NDST3: variants seen among roughly 807,000 people sequenced by gnomAD.
The protein encoded by NDST3 is N-deacetylase and N-sulfotransferase 3, also known as bifunctional heparan sulfate N-deacetylase/N-sulfotransferase 3.
NDST3 carries 58 observed loss-of-function variants against 96.1 expected under a neutral mutation model. The observed-to-expected ratio is 0.60, with a 90% CI of 0.49 to 0.75. The LOEUF (loss-of-function observed/expected upper bound fraction) is 0.75. NDST3 is among the 30% of genes least tolerant of loss of function. NDST3 has a pLI of 0.00. For synonymous variants in NDST3, 333 were observed against 359.7 expected (o/e 0.93, Z 0.84); for missense variants, 788 against 1,034.2 (o/e 0.76, Z 3.27).
intron 6 of NDST3, among the ~76,000 whole-genome samples, chr4:118,166,648 C>CA (rs1391200293): frequency 1.3e-5 from 2 of 151,864 alleles, no homozygotes; most frequent in Non-Finnish European, 3.0e-5. Flanking sequence ...CAAAAATCCT[C>CA]AAAAAAATAG....
chr4:118,253,065 T>G (rs1741859138), intron 12 of NDST3, among the ~76,000 whole-genome samples: 1 of 152,224 alleles, frequency 6.6e-6, no homozygotes, highest in South Asian at 2.1e-4. Context: ...TATTACCTTC[T>G]AGTTGTATGA....
chr4:118,170,570 A>C (rs1478303120), intron 6 of NDST3, among the ~76,000 whole-genome samples: 1 of 152,120 alleles, frequency 6.6e-6, no homozygotes, highest in Non-Finnish European at 1.5e-5. Context: ...TCTACTAAAA[A>C]TACAAAAAAT....
intron 6 of NDST3, among the ~76,000 whole-genome samples, chr4:118,188,830 G>A (rs1737129817): frequency 6.6e-6 from 1 of 151,940 alleles, no homozygotes; most frequent in Non-Finnish European, 1.5e-5. Context: ...GATTCTATGT[G>A]CTTGTGAAGT....
intron 1 of NDST3, among the ~76,000 whole-genome samples, chr4:118,038,203 T>C (rs894153259): frequency 3.0e-4 from 45 of 152,306 alleles, no homozygotes; most frequent in African/African-American, 1.0e-3. Context: ...CAGCGTATTT[T>C]GATGCATGCA....
intron 8 of NDST3, among the ~76,000 whole-genome samples, chr4:118,230,361 G>A (rs1740190131): frequency 6.6e-6 from 1 of 152,082 alleles, no homozygotes; most frequent in Non-Finnish European, 1.5e-5. Flanking sequence ...ATCATGAGAG[G>A]TCAGGAGATC....
chr4:118,132,411 T>C (rs905469246), intron 4 of NDST3, among the ~76,000 whole-genome samples: 3 of 152,104 alleles, frequency 2.0e-5, no homozygotes, highest in African/African-American at 7.2e-5. Context: ...CAAGGGTTCT[T>C]CTGTCAGCTT....
intron 6 of NDST3, chr4:118,194,000 A>T (rs562410307): frequency 8.9e-7 from 1 of 1,125,156 alleles, no homozygotes; most frequent in East Asian, 2.4e-5. Context: ...TTCTGAATTC[A>T]TCTCCCAAGA....
rs1398865729 is a variant in NDST3, at chr4:118,208,439, T to C, written c.1540-16052T>C. Among the ~76,000 whole-genome samples, 5 of 144,404 alleles carry C rather than the reference T, an allele frequency of 3.5e-5. 1 individual carries two copies. The South Asian group carries it at 7.0e-4, about 20-fold the overall frequency. 94.7% of individuals were successfully genotyped at this position (144,404 alleles called of 152,430 possible). On this transcript the variant is annotated intron_variant, in intron 6 of 13. Transcript: ENST00000296499. ...TATTTTGCTTTTAATTAAGTCTTTA[T>C]ACAGTACCTTAGCTGACTCTTGTAT...
intron 6 of NDST3, among the ~76,000 whole-genome samples, chr4:118,220,503 G>A (rs556039736): frequency 1.2e-4 from 18 of 151,850 alleles, no homozygotes; most frequent in Non-Finnish European, 1.8e-4. Context: ...TAATGTATAT[G>A]GGGCTTAAAA....
At chr4:118,083,613 G>A (rs372933173) in intron 2 of NDST3, among the ~76,000 whole-genome samples, 14 of 152,116 alleles carry the variant, frequency 9.2e-5, no homozygotes, top group African/African-American at 3.1e-4. Context: ...TTGGTATAGA[G>A]GCATTCATCA....
chr4:118,041,407 T>C (rs1265839789), intron 1 of NDST3, among the ~76,000 whole-genome samples: 2 of 152,232 alleles, frequency 1.3e-5, no homozygotes, highest in African/African-American at 4.8e-5. Context: ...GGGTGCCTTA[T>C]AGGAAATCTT....
rs201621405 is a variant in NDST3 at position 118,235,038 on chromosome 4, G to GA, written c.1943+1912dup. 3.1e-4 allele frequency among the ~76,000 whole-genome samples: 4 copies of GA among 12,998 alleles called. No individual in the cohort carries two copies. In the South Asian group the frequency reaches 0.011, roughly 36 times the overall value. 8.5% of individuals were successfully genotyped at this position (12,998 alleles called of 152,430 possible). Reference sequence around the variant, plus strand: ...GAAGGAGACTCCATCAAAAAAAAAAGAAAAAAAAAGGAAGGAAGGAAGGAA... The same window carrying GA: ...GAAGGAGACTCCATCAAAAAAAAAAGAAAAAAAAAAGGAAGGAAGGAAGGAA... On this transcript the variant is annotated intron_variant, in intron 9 of 13. Coordinates refer to ENST00000296499, the MANE Select transcript of NDST3 (RefSeq NM_004784.3).
chr4:118,047,283 A>G (rs77082848), intron 1 of NDST3, among the ~76,000 whole-genome samples: 2,315 of 152,316 alleles, frequency 0.015, 27 homozygotes, highest in Middle Eastern at 0.044. Context: ...GTCATTGTTA[A>G]AGAAACACTG....
rs1019286257 is a variant in NDST3, at chr4:118,091,998, C to T, written c.982-13020C>T. On this transcript the variant is annotated intron_variant, in intron 2 of 13. Coordinates refer to ENST00000296499, the MANE Select transcript of NDST3 (RefSeq NM_004784.3). Reference sequence around the variant, plus strand: ...AATGATTATGTTTCCAGCTATGAGGCATTAAATATTATGTAGTCCAAAACT... The same window carrying T: ...AATGATTATGTTTCCAGCTATGAGGTATTAAATATTATGTAGTCCAAAACT... 3.3e-5 allele frequency among the ~76,000 whole-genome samples: 5 copies of T among 151,270 alleles called. No individual in the cohort carries two copies. The South Asian group carries it at 6.3e-4, about 19-fold the overall frequency.
At chr4:118,087,386 A>AT (rs377368247) in intron 2 of NDST3, among the ~76,000 whole-genome samples, 14 of 152,150 alleles carry the variant, frequency 9.2e-5, no homozygotes, top group African/African-American at 3.1e-4. Flanking sequence ...TTTCTAGCTG[A>AT]TAAAAAGAAT....
At chr4:118,167,575 G>A (rs1735636031) in intron 6 of NDST3, among the ~76,000 whole-genome samples, 1 of 151,830 alleles carries the variant, frequency 6.6e-6, no homozygotes, top group Admixed American at 6.6e-5. Flanking sequence ...AAATTCACAT[G>A]GAACCACAAA....
intron 2 of NDST3, among the ~76,000 whole-genome samples, chr4:118,077,601 A>G (rs114063278): frequency 0.054 from 8,202 of 152,240 alleles, 308 homozygotes; most frequent in Middle Eastern, 0.082. Flanking sequence ...GGCAGGGACC[A>G]CGTTTGGCAG....
chr4:118,128,924 T>A (rs1391616171), intron 4 of NDST3, among the ~76,000 whole-genome samples: 1 of 152,092 alleles, frequency 6.6e-6, no homozygotes, highest in Non-Finnish European at 1.5e-5. Context: ...GTAGGTTGTA[T>A]GTGCCAAGGA....
At chr4:118,059,840 G>A (rs549214140) in intron 2 of NDST3, among the ~76,000 whole-genome samples, 2 of 152,122 alleles carry the variant, frequency 1.3e-5, no homozygotes, top group Non-Finnish European at 2.9e-5. Flanking sequence ...ATTGTACATA[G>A]TATTAATGTT....
Sources: allele counts gnomAD v4.1 joint callset (sites outside exome capture counted in the v4.1 genomes callset), GRCh38; gene constraint gnomAD v4.1.1; transcripts MANE v1.5; gene names NCBI Gene and HGNC (gene_info 2026-07-23, HGNC 2026-07-21).